PDE10A: variants seen among roughly 807,000 people sequenced by gnomAD.
PDE10A encodes the protein phosphodiesterase 10A.
In PDE10A, 39 loss-of-function variants were observed where a neutral mutation model predicts 97.7. The observed-to-expected ratio is 0.40, with a 90% CI of 0.31 to 0.52. The LOEUF is 0.52. Ranked by LOEUF, PDE10A falls within the 20% of genes least tolerant of loss-of-function variation. The probability of loss-of-function intolerance (pLI) is 0.56; values close to 1 mark genes in which losing one functional copy is unlikely to be tolerated. For missense variants in PDE10A, 731 were observed against 1,047.8 expected (o/e 0.70, Z 4.17); for synonymous variants, 371 against 376.8 (o/e 0.98, Z 0.18).
intron 2 of PDE10A, among the ~76,000 whole-genome samples, chr6:165,539,772 C>G (rs1163697896): frequency 6.6e-6 from 1 of 150,938 alleles, no homozygotes; most frequent in Admixed American, 6.6e-5. Context: ...AAAAAAAATA[C>G]AAATAGTAGC....
intron 1 of PDE10A, among the ~76,000 whole-genome samples, chr6:165,717,216 C>A (rs1792046204): frequency 6.6e-6 from 1 of 152,214 alleles, no homozygotes; most frequent in Non-Finnish European, 1.5e-5. Flanking sequence ...GATGGACACA[C>A]TACAATCTGT....
At chr6:165,749,257 CCATTACCACCAT>C (rs1792921321) in intron 1 of PDE10A, among the ~76,000 whole-genome samples, 1 of 77,804 alleles carries the variant, frequency 1.3e-5, no homozygotes, top group African/African-American at 4.7e-5. Flanking sequence ...ACCATCATCA[CCATTACCACCAT>C]CATCACCATT....
intron 1 of PDE10A, among the ~76,000 whole-genome samples, chr6:165,923,778 T>TGC (rs1443166434): frequency 2.0e-5 from 3 of 152,234 alleles, no homozygotes; most frequent in Admixed American, 2.0e-4. Context: ...AACTGTGTTT[T>TGC]TTTTTTTAAA....
intron 1 of PDE10A, among the ~76,000 whole-genome samples, chr6:165,579,518 T>C (rs1475302190): frequency 1.3e-5 from 2 of 152,160 alleles, no homozygotes; most frequent in African/African-American, 2.4e-5. Flanking sequence ...TGTTGCAAAC[T>C]TCAAAATTCA....
intron 1 of PDE10A, among the ~76,000 whole-genome samples, chr6:165,717,320 G>C (rs1227634604): frequency 6.6e-6 from 1 of 152,216 alleles, no homozygotes; most frequent in Admixed American, 6.5e-5. Flanking sequence ...GCCAGGCACA[G>C]TGGCTCACGC....
At chr6:165,968,230 ATTG>A (rs1326414114) in intron 1 of PDE10A, among the ~76,000 whole-genome samples, 1 of 152,246 alleles carries the variant, frequency 6.6e-6, no homozygotes, top group African/African-American at 2.4e-5. Context: ...AGCGAAGAGT[ATTG>A]TGCAGGATTC....
chr6:165,957,155 C>T (rs553843613), intron 1 of PDE10A, among the ~76,000 whole-genome samples: 10 of 152,252 alleles, frequency 6.6e-5, no homozygotes, highest in African/African-American at 2.2e-4. Context: ...CTTCCTAACA[C>T]CTTTACCTAA....
chr6:165,807,184 T>C (rs1319400697), intron 1 of PDE10A, among the ~76,000 whole-genome samples: 1 of 149,344 alleles, frequency 6.7e-6, no homozygotes, highest in Non-Finnish European at 1.5e-5. Flanking sequence ...TTTGATTCTC[T>C]TTCTCAAAGA....
intron 1 of PDE10A, chr6:165,545,213 C>T (rs761500885): frequency 7.9e-6 from 4 of 504,146 alleles, no homozygotes; most frequent in Non-Finnish European, 7.8e-6. Flanking sequence ...CTCTTGAATT[C>T]TACTTTCTCT....
intron 1 of PDE10A, among the ~76,000 whole-genome samples, chr6:165,767,879 T>C (rs1447633064): frequency 6.6e-6 from 1 of 152,240 alleles, no homozygotes; most frequent in Non-Finnish European, 1.5e-5. Context: ...GCACCATTTT[T>C]ACATTCTCAC....
intron 1 of PDE10A, among the ~76,000 whole-genome samples, chr6:165,834,809 G>A (rs886321062): frequency 3.9e-5 from 6 of 152,352 alleles, no homozygotes; most frequent in African/African-American, 1.4e-4. Context: ...CATTGTGCCA[G>A]CTGGCAGGGA....
chr6:165,368,626 T>A (rs1783989618), intron 18 of PDE10A, among the ~76,000 whole-genome samples: 1 of 152,064 alleles, frequency 6.6e-6, no homozygotes, highest in Non-Finnish European at 1.5e-5. Flanking sequence ...AGAAAATGGA[T>A]AATTAGACAA....
intron 1 of PDE10A, among the ~76,000 whole-genome samples, chr6:165,624,364 T>G (rs1788286312): frequency 6.6e-6 from 1 of 152,234 alleles, no homozygotes; most frequent in Non-Finnish European, 1.5e-5. Context: ...CTCTTTATTT[T>G]CCAGGTTGAC....
chr6:165,409,668 C>G (rs1383083241), intron 13 of PDE10A: 2 of 153,634 alleles, frequency 1.3e-5, no homozygotes, highest in Non-Finnish European at 2.9e-5. Flanking sequence ...AGGTAACCAG[C>G]TTTGGTCCAG....
chr6:165,611,177 T>C (rs1787476476), intron 1 of PDE10A, among the ~76,000 whole-genome samples: 1 of 152,144 alleles, frequency 6.6e-6, no homozygotes, highest in Non-Finnish European at 1.5e-5. Context: ...AGTAATTTAT[T>C]GACCCATGAA....
At position 165,332,935 on chromosome 6, in the gene PDE10A, T is replaced by G; in HGVS notation, c.*90A>C. 2 of 593,424 alleles carry G rather than the reference T, an allele frequency of 3.4e-6. No individual in the cohort carries two copies. Among genetic ancestry groups the G allele is most frequent in the Non-Finnish European group, 6.4e-6 (2 of 314,678 alleles). 36.8% of individuals were successfully genotyped at this position (593,424 alleles called of 1,614,324 possible). A position where few individuals can be genotyped will look rare whatever the true frequency, so the allele number is the denominator to read the frequency against. ...TGCACCCCAGTTACCAGGTGCAGGT[T>G]CCCCCCACCCCCCCCAAAAAAAGGA... is the stretch of plus-strand genomic sequence containing the variant. On this transcript the variant is annotated 3_prime_UTR_variant, in exon 22 of 22. Coordinates refer to ENST00000539869, the MANE Select transcript of PDE10A (RefSeq NM_001385079.1).
At chr6:165,454,812 A>T (rs1562482620) in intron 3 of PDE10A, among the ~76,000 whole-genome samples, 1 of 152,100 alleles carries the variant, frequency 6.6e-6, no homozygotes, top group African/African-American at 2.4e-5. Context: ...CTATTGACAT[A>T]TTTTTTTTCA....
Position 165,761,979 on chromosome 6 carries a change from A to G in PDE10A, c.-614-218411T>C, listed in dbSNP as rs190664199. ...GGTTTCTTTTGAATAAACATCAGAT[A>G]TTTACTCTCCCTGTCTTAAAACTCA... On this transcript the variant is annotated intron_variant, in intron 1 of 19. Transcript: ENST00000366882. Among the ~76,000 whole-genome samples the G allele has an allele frequency of 2.5e-3, 381 of 152,316 alleles. 2 individuals are homozygous for G. Among genetic ancestry groups the G allele is most frequent in the Non-Finnish European group, 4.8e-3 (325 of 68,026 alleles).
intron 1 of PDE10A, among the ~76,000 whole-genome samples, chr6:165,833,210 G>A (rs948598629): frequency 3.3e-5 from 5 of 152,204 alleles, no homozygotes; most frequent in Admixed American, 1.3e-4. Flanking sequence ...AAGAAATACA[G>A]GAGGTTTTTT....
Sources: allele counts gnomAD v4.1 joint callset (sites outside exome capture counted in the v4.1 genomes callset), GRCh38; gene constraint gnomAD v4.1.1; transcripts MANE v1.5; gene names NCBI Gene and HGNC (gene_info 2026-07-23, HGNC 2026-07-21).